The following DAB1 variants were observed in gnomAD, a reference collection of about 807,000 sequenced individuals.
DAB1 encodes the protein disabled homolog 1.
In DAB1, 15 loss-of-function variants were observed where a neutral mutation model predicts 64.6. That is an observed-to-expected ratio of 0.23 (90% CI 0.16 to 0.36). The LOEUF (loss-of-function observed/expected upper bound fraction) is 0.36, where lower values mean the gene tolerates loss of function less well. Ranked by LOEUF, DAB1 falls within the 10% of genes least tolerant of loss-of-function variation. The pLI is 1.00. For missense variants in DAB1, 596 were observed against 706.7 expected, an observed-to-expected ratio of 0.84 and a Z score of 1.78; for synonymous variants, 235 against 251.9, an observed-to-expected ratio of 0.93 and a Z score of 0.64.
chr1:57,914,577 C>CA lies in DAB1; in HGVS notation n.388-30416dup, dbSNP rs937898718. Among the ~76,000 whole-genome samples the CA allele has an allele frequency of 6.6e-5, 10 of 151,312 alleles. No individual in the cohort carries two copies. The East Asian group carries it at 1.2e-3, about 18-fold the overall frequency. On this transcript the variant is annotated intron_variant and non_coding_transcript_variant, in intron 5 of 20. Transcript: ENST00000485760. Reference sequence around the variant, plus strand: ...CCTAATACTTAAAGTATAATAACAACAAAAAAAAGAATCCTATGCCTGCAA... The same window carrying CA: ...CCTAATACTTAAAGTATAATAACAACAAAAAAAAAGAATCCTATGCCTGCAA...
At chr1:58,126,542 G>C (rs1402285989) in intron 5 of DAB1, among the ~76,000 whole-genome samples, 2 of 151,078 alleles carry the variant, frequency 1.3e-5, no homozygotes, top group Non-Finnish European at 2.9e-5. Context: ...TGCCATGCTG[G>C]TGCGCTGCAC....
intron 11 of DAB1, among the ~76,000 whole-genome samples, chr1:57,019,680 C>G (rs1032083774): frequency 6.6e-6 from 1 of 152,188 alleles, no homozygotes; most frequent in Admixed American, 6.5e-5. Flanking sequence ...GTGGCTGCCA[C>G]TGCAGCCACT....
At chr1:57,036,134 A>C (rs887315009) in intron 9 of DAB1, among the ~76,000 whole-genome samples, 2 of 151,920 alleles carry the variant, frequency 1.3e-5, no homozygotes, top group Non-Finnish European at 2.9e-5. Context: ...ATGCTAGGAA[A>C]TTATTATTAC....
At chr1:58,129,752 A>G (rs2100691869) in intron 5 of DAB1, among the ~76,000 whole-genome samples, 1 of 151,338 alleles carries the variant, frequency 6.6e-6, no homozygotes, top group South Asian at 2.1e-4. Flanking sequence ...TTCAGTTTCC[A>G]TGTAGTTGAG....
chr1:58,195,381 C>A (rs11799320), intron 4 of DAB1, among the ~76,000 whole-genome samples: 28,580 of 151,896 alleles, frequency 0.19, 2,883 homozygotes, highest in East Asian at 0.37. Context: ...GAGATGGGTA[C>A]AATGAGTGCA....
intron 4 of DAB1, among the ~76,000 whole-genome samples, chr1:58,163,411 T>G (rs553963680): frequency 1.4e-4 from 22 of 152,102 alleles, no homozygotes; most frequent in Non-Finnish European, 3.1e-4. Flanking sequence ...AATAGCCAAG[T>G]GAAGAGATAG....
intron 5 of DAB1, among the ~76,000 whole-genome samples, chr1:58,132,133 A>G (rs955742976): frequency 2.0e-5 from 3 of 151,982 alleles, no homozygotes; most frequent in African/African-American, 7.2e-5. Context: ...AGGACCCTCC[A>G]AGCCAGGTGC....
At chr1:57,293,313 C>A (rs1672930545) in intron 1 of DAB1, among the ~76,000 whole-genome samples, 1 of 152,160 alleles carries the variant, frequency 6.6e-6, no homozygotes, top group Admixed American at 6.6e-5. Context: ...TAGACTCTTT[C>A]CCAACTTATT....
chr1:57,099,222 T>G (rs1654450184), intron 4 of DAB1, among the ~76,000 whole-genome samples: 1 of 152,228 alleles, frequency 6.6e-6, no homozygotes, highest in Admixed American at 6.5e-5. Flanking sequence ...ATGGTGTTTA[T>G]AAGACAAAAT....
chr1:58,521,893 T>C lies in DAB1; in HGVS notation n.107+5368A>G, dbSNP rs895997892. ...CTGGAGAAGAGAAAATGAAGAACAC[T>C]TCCCTGATCAATTTTATGAGGCCAG... On this transcript the variant is annotated intron_variant and non_coding_transcript_variant, in intron 2 of 20. Coordinates refer to the DAB1 transcript ENST00000485760. Among the ~76,000 whole-genome samples, 8 of 152,270 alleles carry C rather than the reference T, an allele frequency of 5.3e-5. No homozygotes were observed. The East Asian group carries it at 1.4e-3, about 26-fold the overall frequency.
chr1:57,092,044 G>T (rs1653728807), intron 4 of DAB1, among the ~76,000 whole-genome samples: 1 of 152,162 alleles, frequency 6.6e-6, no homozygotes, highest in African/African-American at 2.4e-5. Context: ...GGGATTAGAT[G>T]CAGAAAAGGA....
At chr1:58,536,127 A>G (rs945844589) in intron 1 of DAB1, among the ~76,000 whole-genome samples, 5 of 152,278 alleles carry the variant, frequency 3.3e-5, no homozygotes, top group Admixed American at 2.6e-4. Context: ...AAAAAAGCCT[A>G]GGAGACCTAA....
At chr1:57,952,535 T>C (rs1459328104) in intron 5 of DAB1, among the ~76,000 whole-genome samples, 1 of 152,010 alleles carries the variant, frequency 6.6e-6, no homozygotes, top group Non-Finnish European at 1.5e-5. Flanking sequence ...GGAATGGGTC[T>C]GAGTGGAAAA....
intron 4 of DAB1, among the ~76,000 whole-genome samples, chr1:58,334,419 A>G (rs114087257): frequency 0.013 from 2,007 of 152,098 alleles, 57 homozygotes; most frequent in African/African-American, 0.046. Context: ...TTATTGCAAC[A>G]AAACCTGACT....
At chr1:57,800,691 A>G (rs1040096846) in intron 6 of DAB1, among the ~76,000 whole-genome samples, 1 of 152,214 alleles carries the variant, frequency 6.6e-6, no homozygotes. Flanking sequence ...GATTACTTGC[A>G]TTAATGGCAA....
At chr1:57,740,121 T>G (rs1216623853) in intron 6 of DAB1, among the ~76,000 whole-genome samples, 5 of 150,792 alleles carry the variant, frequency 3.3e-5, no homozygotes, top group Non-Finnish European at 7.4e-5. Flanking sequence ...GGCTGAGGCA[T>G]GAAAATTGCT....
At chr1:57,364,792 T>C (rs932974892) in intron 1 of DAB1, among the ~76,000 whole-genome samples, 4 of 151,000 alleles carry the variant, frequency 2.6e-5, no homozygotes, top group East Asian at 1.9e-4. Context: ...ATTCCACTTA[T>C]ATAAAGTTCA....
chr1:57,877,942 A>T (rs867933173), intron 1 of DAB1, among the ~76,000 whole-genome samples: 6 of 152,352 alleles, frequency 3.9e-5, no homozygotes, highest in Non-Finnish European at 8.8e-5. Context: ...TAAAGAGAAA[A>T]ATAAAAACCC....
At chr1:57,091,748 C>T (rs1052492714) in intron 4 of DAB1, among the ~76,000 whole-genome samples, 3 of 152,232 alleles carry the variant, frequency 2.0e-5, no homozygotes, top group Non-Finnish European at 4.4e-5. Flanking sequence ...TGGATAACCA[C>T]AGTACCAACA....
Sources: allele counts gnomAD v4.1 joint callset (sites outside exome capture counted in the v4.1 genomes callset), GRCh38; gene constraint gnomAD v4.1.1; transcripts MANE v1.5; gene names NCBI Gene and HGNC (gene_info 2026-07-23, HGNC 2026-07-21).